NRG1: variants seen among roughly 807,000 people sequenced by gnomAD.
The protein encoded by NRG1 is pro-neuregulin-1, membrane-bound isoform.
Under a neutral mutation model 63.8 loss-of-function variants are expected in NRG1, and 18 were observed. That is an observed-to-expected ratio of 0.28 (90% confidence interval 0.19 to 0.42). The LOEUF is 0.42. Among genes scored for constraint, NRG1 ranks in the 10% least tolerant of loss-of-function variants. The probability of loss-of-function intolerance (pLI) is 1.00; values close to 1 mark genes in which losing one functional copy is unlikely to be tolerated. For synonymous variants in NRG1, 302 were observed against 301.3 expected, an observed-to-expected ratio of 1.00 and a Z score of -0.02; for missense variants, 762 against 814.7, an observed-to-expected ratio of 0.94 and a Z score of 0.79.
chr8:32,175,150 A>C (rs1393375039), intron 1 of NRG1, among the ~76,000 whole-genome samples: 1 of 152,236 alleles, frequency 6.6e-6, no homozygotes, highest in Admixed American at 6.5e-5. Flanking sequence ...AGTGGGCTTC[A>C]TCCCTGGGAT....
chr8:32,157,206 C>T (rs1422935691), intron 1 of NRG1, among the ~76,000 whole-genome samples: 1 of 151,062 alleles, frequency 6.6e-6, no homozygotes, highest in Non-Finnish European at 1.5e-5. Flanking sequence ...TCCGTCTCTA[C>T]TAAAAATACA....
chr8:32,619,439 C>T (rs1026859305), intron 5 of NRG1, among the ~76,000 whole-genome samples: 3 of 152,090 alleles, frequency 2.0e-5, no homozygotes, highest in Non-Finnish European at 4.4e-5. Context: ...AGGCCATTGT[C>T]AGGACATTGG....
At chr8:32,074,197 C>G (rs1826165764) in intron 1 of NRG1, among the ~76,000 whole-genome samples, 1 of 152,154 alleles carries the variant, frequency 6.6e-6, no homozygotes, top group African/African-American at 2.4e-5. Context: ...TATTGGTATA[C>G]TTTCCTCACT....
intron 1 of NRG1, among the ~76,000 whole-genome samples, chr8:32,386,679 G>T (rs558261614): frequency 6.6e-6 from 1 of 152,160 alleles, no homozygotes; most frequent in African/African-American, 2.4e-5. Context: ...CCCAGTTTGG[G>T]CAGAAACAGG....
chr8:32,724,705 G>A (rs1237073280), intron 5 of NRG1, among the ~76,000 whole-genome samples: 1 of 152,112 alleles, frequency 6.6e-6, no homozygotes, highest in Admixed American at 6.6e-5. Flanking sequence ...ATCCACTCAG[G>A]TAACACTTCG....
chr8:31,815,913 T>TATCA (rs1000984520), intron 1 of NRG1, among the ~76,000 whole-genome samples: 9 of 152,194 alleles, frequency 5.9e-5, no homozygotes, highest in African/African-American at 1.9e-4. Flanking sequence ...TTGTTATTGA[T>TATCA]GTTAAGCATC....
At chr8:32,279,800 A>G (rs1852506914) in intron 1 of NRG1, among the ~76,000 whole-genome samples, 1 of 152,122 alleles carries the variant, frequency 6.6e-6, no homozygotes, top group African/African-American at 2.4e-5. Flanking sequence ...ACTCTCCATT[A>G]CCTGCGTCTG....
At chr8:32,176,178 T>C in intron 1 of NRG1, among the ~76,000 whole-genome samples, 1 of 152,074 alleles carries the variant, frequency 6.6e-6, no homozygotes, top group Non-Finnish European at 1.5e-5. Flanking sequence ...ATGCTGCATA[T>C]CTACAACCAT....
chr8:32,054,875 T>C (rs1228453024), intron 1 of NRG1, among the ~76,000 whole-genome samples: 3 of 26,326 alleles, frequency 1.1e-4, no homozygotes, highest in African/African-American at 3.6e-4. Context: ...TTTTTTTTTT[T>C]TTTTTTTTTT....
At chr8:31,683,989 T>C (rs543270217) in intron 1 of NRG1, among the ~76,000 whole-genome samples, 9 of 152,286 alleles carry the variant, frequency 5.9e-5, no homozygotes, top group South Asian at 2.1e-4. Flanking sequence ...CATATAAATA[T>C]AGAGCATGTA....
At chr8:32,258,402 C>A (rs563644306) in intron 1 of NRG1, among the ~76,000 whole-genome samples, 1 of 152,332 alleles carries the variant, frequency 6.6e-6, no homozygotes, top group African/African-American at 2.4e-5. Context: ...TTATTCCTTA[C>A]AACACTGTAA....
At chr8:31,817,933 AT>A (rs1823613658) in intron 1 of NRG1, among the ~76,000 whole-genome samples, 1 of 152,192 alleles carries the variant, frequency 6.6e-6, no homozygotes. Context: ...TTTATTTTAT[AT>A]TTTTAATCTA....
At chr8:32,252,051 T>C (rs1044909315) in intron 1 of NRG1, among the ~76,000 whole-genome samples, 2 of 152,200 alleles carry the variant, frequency 1.3e-5, no homozygotes, top group Non-Finnish European at 2.9e-5. Context: ...GGATTGTTTT[T>C]TTCTTGTAAA....
intron 1 of NRG1, among the ~76,000 whole-genome samples, chr8:32,345,423 T>G (rs1328627399): frequency 6.6e-6 from 1 of 152,156 alleles, no homozygotes; most frequent in African/African-American, 2.4e-5. Flanking sequence ...TTCAGTGGTT[T>G]CAAAGTTCCA....
At chr8:32,045,820 A>G (rs1388272929) in intron 1 of NRG1, among the ~76,000 whole-genome samples, 2 of 152,030 alleles carry the variant, frequency 1.3e-5, no homozygotes, top group Non-Finnish European at 2.9e-5. Context: ...AATGGATCGT[A>G]GATTTAAATG....
rs1432187571 is a variant in NRG1 at position 32,054,887 on chromosome 8, T to C, written c.37+415456T>C. On this transcript the variant is annotated intron_variant, in intron 1 of 10. Coordinates refer to the NRG1 transcript ENST00000519301. ...TCTTTTTTTTTTTTTTTTTTTTTTT[T>C]TTTTTTTTTTTTTTTTTTTGAGATG... Among the ~76,000 whole-genome samples, 768 of 98,484 alleles carry C rather than the reference T, an allele frequency of 7.8e-3. 18 individuals are homozygous for C. Among genetic ancestry groups the C allele is most frequent in the African/African-American group, 0.037 (739 of 19,814 alleles). The allele number at this position is 98,484 out of a possible 152,430, so 64.6% of individuals were successfully genotyped here. A position where few individuals can be genotyped will look rare whatever the true frequency, so the allele number is the denominator to read the frequency against.
At chr8:32,575,794 G>A (rs2466073) in intron 1 of NRG1, among the ~76,000 whole-genome samples, 69,981 of 151,842 alleles carry the variant, frequency 0.46, 16,422 homozygotes, top group East Asian at 0.82. Context: ...ATTCTTAACT[G>A]TTATTTTTTA....
chr8:32,025,722 C>A (rs893174296), intron 1 of NRG1, among the ~76,000 whole-genome samples: 11 of 151,784 alleles, frequency 7.2e-5, no homozygotes, highest in African/African-American at 2.7e-4. Context: ...CCGAGGCGGG[C>A]GGATCACGAG....
chr8:32,011,252 T>G (rs1156921631), intron 1 of NRG1, among the ~76,000 whole-genome samples: 1 of 152,102 alleles, frequency 6.6e-6, no homozygotes, highest in Non-Finnish European at 1.5e-5. Context: ...ATTTTTCAAA[T>G]GAGGACCACA....
Sources: gnomAD v4.1 joint callset for allele counts (sites outside exome capture counted in the v4.1 genomes callset) on GRCh38, gnomAD v4.1.1 for gene constraint, MANE v1.5 for transcripts, NCBI Gene and HGNC (gene_info 2026-07-23, HGNC 2026-07-21) for gene names.